Variants in LRIG2 observed in about 807,000 individuals in gnomAD.
The protein encoded by LRIG2 is leucine-rich repeats and immunoglobulin-like domains protein 2.
In LRIG2, 93 loss-of-function variants were observed where a neutral mutation model predicts 107.8. That is an observed-to-expected ratio of 0.86 (90% CI 0.73 to 1.03). The LOEUF (loss-of-function observed/expected upper bound fraction) is 1.03, where lower values mean the gene tolerates loss of function less well. Among genes scored for constraint, LRIG2 ranks in the 50% least tolerant of loss-of-function variants. The probability of loss-of-function intolerance (pLI) is 0.00; values close to 1 mark genes in which losing one functional copy is unlikely to be tolerated. For missense variants in LRIG2, 1,226 were observed against 1,296.0 expected (o/e 0.95, Z 0.83); for synonymous variants, 471 against 470.6 (o/e 1.00, Z -0.01).
chr1:113,084,448 C>G (rs565416325), intron 1 of LRIG2, among the ~76,000 whole-genome samples: 1 of 152,130 alleles, frequency 6.6e-6, no homozygotes, highest in East Asian at 1.9e-4. Flanking sequence ...ATCTCCTGAC[C>G]TTGTGATCCG....
chr1:113,073,548 T>A lies in LRIG2; in HGVS notation c.142T>A (p.Ser48Thr). The A allele has an allele frequency of 2.5e-6, 4 of 1,614,052 alleles. No homozygotes were observed. Among genetic ancestry groups the A allele is most frequent in the Non-Finnish European group, 3.4e-6 (4 of 1,180,002 alleles). The change falls in exon 1 of 18, where the codon TCC becomes ACC. Residue 48 changes from serine to threonine, a missense_variant. By Grantham distance (58) the Ser-to-Thr change is moderately conservative. This residue lies in a region of LRIG2 where 570 missense variants were observed against 550.2 expected (regional missense o/e 1.04). Coordinates refer to ENST00000361127, the MANE Select transcript of LRIG2 (RefSeq NM_014813.3). ...AGCAGGTCTCTGCCCCGCGCCCTGC[T>A]CCTGCCGCATTCCTCTCCTGGACTG... is the stretch of plus-strand genomic sequence containing the variant. ...AGAGLCPAPC[S>T]CRIPLLDCSR...
At chr1:113,100,370 A>C in intron 10 of LRIG2, 50 bp from the exon 11 acceptor site, 1 of 1,438,640 alleles carries the variant, frequency 7.0e-7, no homozygotes, top group South Asian at 1.2e-5. Context: ...TGTTTATGTA[A>C]CTTGATATAG....
At chr1:113,095,411 T>C (rs950056943) in intron 6 of LRIG2, among the ~76,000 whole-genome samples, 1 of 152,140 alleles carries the variant, frequency 6.6e-6, no homozygotes, top group South Asian at 2.1e-4. Flanking sequence ...TAAATCTCTT[T>C]TTTTGTTGTC....
intron 9 of LRIG2, 28 bp from the exon 10 acceptor site, chr1:113,100,183 T>G (rs1182851162): frequency 1.4e-6 from 2 of 1,399,884 alleles, no homozygotes; most frequent in East Asian, 2.3e-5. Flanking sequence ...GTGGAGAGCT[T>G]TCTTAGAAAG....
At chr1:113,073,834 T>G (rs1015538913) in intron 1 of LRIG2, among the ~76,000 whole-genome samples, 189 bp downstream of exon 1, 7 of 151,970 alleles carry the variant, frequency 4.6e-5, no homozygotes, top group Non-Finnish European at 8.8e-5. Flanking sequence ...TGTTAAGGTT[T>G]CTGGAGAATT....
rs573566707 is a variant in LRIG2, at chr1:113,114,558, G to A, written c.2212G>A (p.Val738Met). Residue 738 changes from valine (V) to methionine (M), a missense_variant, in exon 15 of 18, where the codon GTG (valine) becomes ATG (methionine). This residue lies in a region of LRIG2 where 642 missense variants were observed against 712.2 expected (regional missense o/e 0.90). Coordinates refer to ENST00000361127, the MANE Select transcript of LRIG2 (RefSeq NM_014813.3). ...GACTAAAGATGATGGGCCTTTGCTGGTGACAGAACGACATTTCTTTGCTGC... is the reference window on the plus strand; with the variant it reads ...GACTAAAGATGATGGGCCTTTGCTGATGACAGAACGACATTTCTTTGCTGC... ...NWTKDDGPLL[V>M]TERHFFAAAN... 6.2e-7 allele frequency: 1 copy of A among 1,614,056 alleles called. No individual in the cohort carries two copies. The highest frequency in any genetic ancestry group is 8.5e-7 in the Non-Finnish European group (1 of 1,180,014).
At chr1:113,097,587 C>T (rs1392239027) in intron 8 of LRIG2, among the ~76,000 whole-genome samples, 1 of 152,192 alleles carries the variant, frequency 6.6e-6, no homozygotes, top group Non-Finnish European at 1.5e-5. Context: ...GATGTAGCTG[C>T]AGCCTTTTGG....
Position 113,105,148 on chromosome 1 carries a change from AAAAT to A in LRIG2, c.1314-2426_1314-2423del, listed in dbSNP as rs565129274. 3.3e-5 allele frequency among the ~76,000 whole-genome samples: 5 copies of A among 152,188 alleles called. No homozygotes were observed. The South Asian group carries it at 8.3e-4, about 25-fold the overall frequency. ...GTGACAGAGCAAGACTCTGTCTCAA[AAAAT>A]AAATAAATAAATAAATAAAGTATTT... On this transcript the variant is annotated intron_variant, in intron 11 of 17. Coordinates refer to ENST00000361127, the MANE Select transcript of LRIG2 (RefSeq NM_014813.3).
rs1049853869 is a variant in LRIG2, at chr1:113,076,908, C to T, written c.239+3263C>T. On this transcript the variant is annotated intron_variant, in intron 1 of 17. Coordinates refer to ENST00000361127, the MANE Select transcript of LRIG2 (RefSeq NM_014813.3). ...TTTCACATTATTCTGATTACACACA[C>T]ATACACAGCATTGAAAGACTAGGTT... 5.3e-5 allele frequency among the ~76,000 whole-genome samples: 8 copies of T among 152,270 alleles called. No individual in the cohort carries two copies. The East Asian group carries it at 1.5e-3, about 29-fold the overall frequency.
intron 7 of LRIG2, 66 bp from the exon 8 acceptor site, chr1:113,096,156 A>G: frequency 7.6e-6 from 12 of 1,585,948 alleles, no homozygotes; most frequent in Non-Finnish European, 1.0e-5. Context: ...CCATGTAGAT[A>G]TAATAAGAAT....
intron 1 of LRIG2, among the ~76,000 whole-genome samples, chr1:113,087,586 C>T (rs1382203344): frequency 2.0e-5 from 3 of 152,064 alleles, no homozygotes; most frequent in Non-Finnish European, 2.9e-5. Context: ...TGACCTCAGG[C>T]GATCCACCCA....
At chr1:113,111,323 A>G (rs952282485) in intron 13 of LRIG2, among the ~76,000 whole-genome samples, 6 of 152,248 alleles carry the variant, frequency 3.9e-5, no homozygotes, top group Non-Finnish European at 7.3e-5. Flanking sequence ...GGCATGAACC[A>G]CTGCACCCAG....
Position 113,073,430 on chromosome 1 carries a change from C to A in LRIG2, c.24C>A (p.Val8=), listed in dbSNP as rs1322400474. 3 of 1,614,088 alleles carry A rather than the reference C, an allele frequency of 1.9e-6. No homozygotes were observed. Among genetic ancestry groups the A allele is most frequent in the Admixed American group, 1.7e-5 (1 of 60,022 alleles). The change falls in exon 1 of 18, where the codon GTC becomes GTA. Residue 8 remains valine (V), a synonymous_variant. Coordinates refer to ENST00000361127, the MANE Select transcript of LRIG2 (RefSeq NM_014813.3). MAPAPLG[V]PEEQLLGCRS... is the part of the protein sequence containing the mutation. ...AAATGGCGCCGGCGCCCCTAGGCGT[C>A]CCGGAGGAGCAGTTGCTGGGGTGTC... is the stretch of plus-strand genomic sequence containing the variant.
In LRIG2 at chr1:113,119,287, A is replaced by G; in HGVS notation, c.2735A>G (p.Tyr912Cys). 1 of 1,613,926 alleles carries G rather than the reference A, an allele frequency of 6.2e-7. No homozygotes were observed. The highest frequency in any genetic ancestry group is 1.6e-4 in the Middle Eastern group (1 of 6,062). ...CSDCYDNANI[Y>C]SRTREYCPYT... Reference sequence around the variant, plus strand: ...GATTGTTATGACAATGCCAACATCTACTCCAGGACCCGAGAATACTGTCCA... The same window carrying G: ...GATTGTTATGACAATGCCAACATCTGCTCCAGGACCCGAGAATACTGTCCA... The change falls in exon 17 of 18, where the codon TAC (tyrosine) becomes TGC (cysteine). Residue 912 changes from tyrosine to cysteine, a missense_variant. This residue lies in a region of LRIG2 where 642 missense variants were observed against 712.2 expected (regional missense o/e 0.90). Coordinates refer to ENST00000361127, the MANE Select transcript of LRIG2 (RefSeq NM_014813.3).
intron 15 of LRIG2, among the ~76,000 whole-genome samples, chr1:113,115,512 A>T (rs1229722484): frequency 7.1e-6 from 1 of 141,778 alleles, no homozygotes; most frequent in African/African-American, 2.6e-5. Context: ...CGTCTGACCA[A>T]TTTTAAGAAT....
chr1:113,088,764 T>C (rs6694859), intron 1 of LRIG2, among the ~76,000 whole-genome samples: 4,818 of 152,284 alleles, frequency 0.032, 267 homozygotes, highest in African/African-American at 0.11. Context: ...AATTTCTCCT[T>C]GAGTCAAAAC....
Position 113,096,289 on chromosome 1 carries a change from A to G in LRIG2, c.1015A>G (p.Arg339Gly), listed in dbSNP as rs372448823. Residue 339 changes from arginine to glycine, a missense_variant, in exon 8 of 18, where the codon AGA (arginine) becomes GGA (glycine). Physicochemically the swap from Arg to Gly is moderately radical, Grantham distance 125 (BLOSUM62 -2). Transcript: ENST00000361127. ...SAFVGLSLLE[R>G]LNLGDNRVTH... ...CTTTGTGGGTCTGAGCTTATTGGAG[A>G]GATTGAATTTAGGAGACAACAGAGT... The G allele has an allele frequency of 3.0e-5, 48 of 1,614,020 alleles. No homozygotes were observed. Among genetic ancestry groups the G allele is most frequent in the Non-Finnish European group, 3.9e-5 (46 of 1,180,016 alleles).
At position 113,114,549 on chromosome 1, in the gene LRIG2, C is replaced by G. The variant is rs1362413363; in HGVS notation, c.2203C>G (p.Pro735Ala). 8 of 1,614,034 alleles carry G rather than the reference C, an allele frequency of 5.0e-6. No homozygotes were observed. The highest frequency in any genetic ancestry group is 6.8e-6 in the Non-Finnish European group (8 of 1,180,016). ...TCTCAACTGGACTAAAGATGATGGG[C>G]CTTTGCTGGTGACAGAACGACATTT... is the stretch of plus-strand genomic sequence containing the variant. ...PRLNWTKDDG[P>A]LLVTERHFFA... Residue 735 changes from proline (P) to alanine (A), a missense_variant, in exon 15 of 18, where the codon CCT becomes GCT. By Grantham distance (27) the Pro-to-Ala change is conservative. Around this residue, in one of 3 missense-constraint regions of LRIG2, gnomAD observed 642 missense variants for 712.2 expected, o/e 0.90. Transcript: ENST00000361127.
In LRIG2 at chr1:113,112,680, T is replaced by G. The variant is rs1269853560; in HGVS notation, c.2000T>G (p.Ile667Arg). 2 of 1,613,884 alleles carry G rather than the reference T, an allele frequency of 1.2e-6. No homozygotes were observed. The highest frequency in any genetic ancestry group is 2.7e-5 in the African/African-American group (2 of 74,898). Residue 667 changes from isoleucine (I) to arginine (R), a missense_variant, in exon 14 of 18, where the codon ATA becomes AGA. Physicochemically the swap from Ile to Arg is moderately conservative, Grantham distance 97. Coordinates refer to ENST00000361127, the MANE Select transcript of LRIG2 (RefSeq NM_014813.3). ...DDVFFIANVKIEDMGIYSCMA... is the reference protein window; with the variant it reads ...DDVFFIANVKREDMGIYSCMA... ...GTCTTCTTTATTGCCAATGTGAAAA[T>G]AGAAGATATGGGAATCTATAGCTGC...
Sources: gnomAD v4.1 joint callset for allele counts (sites outside exome capture counted in the v4.1 genomes callset) on GRCh38, gnomAD v4.1.1 for gene constraint, gnomAD v4.1.1 regional missense constraint, MANE v1.5 for transcripts, NCBI Gene and HGNC (gene_info 2026-07-23, HGNC 2026-07-21) for gene names.